The following PAK4 variants were observed in gnomAD, a reference collection of about 807,000 sequenced individuals.
PAK4 encodes serine/threonine-protein kinase PAK 4.
Under a neutral mutation model 53.5 loss-of-function variants are expected in PAK4, and 49 were observed. That is an observed-to-expected ratio of 0.92 (90% CI 0.73 to 1.16). The LOEUF is 1.16. PAK4 is among the 50% of genes most tolerant of loss of function. The pLI, the probability that PAK4 is intolerant of heterozygous loss-of-function variation, is 0.00. For missense variants in PAK4, 824 were observed against 850.7 expected (o/e 0.97, Z 0.39); for synonymous variants, 376 against 375.6 (o/e 1.00, Z -0.01).
At chr19:39,159,089 CA>C (rs760073810) in intron 1 of PAK4, among the ~76,000 whole-genome samples, 4 of 152,154 alleles carry the variant, frequency 2.6e-5, no homozygotes, top group Non-Finnish European at 2.9e-5. Flanking sequence ...TCACTACCCC[CA>C]GTTTGCAGAT....
At chr19:39,149,136 G>A (rs901111271) in intron 1 of PAK4, among the ~76,000 whole-genome samples, 5 of 152,132 alleles carry the variant, frequency 3.3e-5, no homozygotes, top group Admixed American at 6.6e-5. Flanking sequence ...CAGCAATTCC[G>A]CTCCCAACTG....
intron 2 of PAK4, 113 bp from the exon 4 acceptor site, chr19:39,172,805 G>T (rs752635278): frequency 1.7e-5 from 15 of 896,926 alleles, no homozygotes; most frequent in African/African-American, 3.4e-5. Flanking sequence ...TCTTCATTGC[G>T]TCTCTGTCTT....
In PAK4 at chr19:39,157,431, G is replaced by A. The variant is rs116601593; in HGVS notation, c.-22-12101G>A. Among the ~76,000 whole-genome samples the A allele has an allele frequency of 4.8e-3, 738 of 152,202 alleles. 6 individuals carry two copies. The highest frequency in any genetic ancestry group is 0.016 in the African/African-American group (677 of 41,516). On this transcript the variant is annotated intron_variant, in intron 1 of 8. Coordinates refer to ENST00000358301, the Ensembl canonical transcript of PAK4. ...TCTTTGCAGTGTGTATGAAAGGGTCGCAGTCCACGGTCCATCCATGGCTCT... is the reference window on the plus strand; with the variant it reads ...TCTTTGCAGTGTGTATGAAAGGGTCACAGTCCACGGTCCATCCATGGCTCT...
At chr19:39,181,976 C>G (rs2074704459), downstream of PAK4, 1 of 152,262 alleles carries the variant, frequency 6.6e-6, no homozygotes, top group African/African-American at 2.4e-5. Flanking sequence ...AAATAAATCC[C>G]TGTGTGCCAC....
chr19:39,175,125 G>C lies in PAK4; in HGVS notation c.1232+61G>C, dbSNP rs2074576324. On this transcript the variant is annotated intron_variant, in intron 5 of 8. Transcript: ENST00000358301. The surrounding 1 kb of genome is among the most constrained non-coding windows in gnomAD (Gnocchi z 4.7). ...ACCAAGTCCCCTCCAGACCACTAGG[G>C]GTGGGGCCACATCTCCAAACCAGCT... The C allele has an allele frequency of 1.9e-6, 3 of 1,554,440 alleles. No individual in the cohort carries two copies. Among genetic ancestry groups the C allele is most frequent in the Admixed American group, 3.6e-5 (2 of 55,722 alleles).
chr19:39,174,860 G>A, intron 4 of PAK4, 71 bp from the exon 6 acceptor site: 1 of 1,576,504 alleles, frequency 6.3e-7, no homozygotes. Context: ...GAGCCAGGGG[G>A]GTGGCGGTGG....
chr19:39,138,538 T>G (rs2073858629), intron 1 of PAK4, among the ~76,000 whole-genome samples: 1 of 152,178 alleles, frequency 6.6e-6, no homozygotes, highest in Non-Finnish European at 1.5e-5. Flanking sequence ...GCCCACCTCT[T>G]GTGGGGTTTT....
chr19:39,132,909 C>T (rs1287134953), intron 1 of PAK4, among the ~76,000 whole-genome samples: 1 of 152,238 alleles, frequency 6.6e-6, no homozygotes, highest in African/African-American at 2.4e-5. Flanking sequence ...CAAAGTGGGA[C>T]AGCTTTGTGT....
chr19:39,150,152 T>C (rs1033230555), intron 1 of PAK4, among the ~76,000 whole-genome samples: 5 of 96,686 alleles, frequency 5.2e-5, no homozygotes, highest in Admixed American at 5.1e-4. Flanking sequence ...TGTAGATCTG[T>C]TTCTGAGTTC....
intron 1 of PAK4, among the ~76,000 whole-genome samples, chr19:39,154,996 CTGTGTGTG>C (rs1384622333): frequency 6.6e-6 from 1 of 152,228 alleles, no homozygotes; most frequent in Non-Finnish European, 1.5e-5. Flanking sequence ...AGCCCACGTT[CTGTGTGTG>C]GAGATAACAT....
intron 1 of PAK4, among the ~76,000 whole-genome samples, chr19:39,151,918 G>A (rs905520139): frequency 1.3e-5 from 2 of 152,106 alleles, no homozygotes; most frequent in African/African-American, 4.8e-5. Flanking sequence ...ACAGGCATGC[G>A]CCACCACGCG....
chr19:39,157,463 G>T (rs1002615670), intron 1 of PAK4, among the ~76,000 whole-genome samples: 52 of 152,234 alleles, frequency 3.4e-4, no homozygotes, highest in African/African-American at 1.2e-3. Context: ...CTCTTCTGGG[G>T]CCCATGTGCA....
intron 1 of PAK4, among the ~76,000 whole-genome samples, chr19:39,144,831 TGAG>T (rs1374388907): frequency 2.0e-5 from 3 of 152,022 alleles, no homozygotes; most frequent in African/African-American, 7.3e-5. Context: ...GGTAAAGAAA[TGAG>T]GAGAGACTGC....
At chr19:39,169,707 C>A (rs748011995) in exon 2 of PAK4, 3 of 1,611,532 alleles carry the variant, frequency 1.9e-6, no homozygotes, top group Non-Finnish European at 2.5e-6. Context: ...CCGGCCCAAG[C>A]CCCTCGTCGA....
exon 2 of PAK4, chr19:39,169,604 C>T (rs535952525): frequency 2.5e-5 from 40 of 1,610,872 alleles, no homozygotes; most frequent in Middle Eastern, 1.6e-4. Flanking sequence ...CGTCCAACTT[C>T]GAGCACCGCG....
At chr19:39,139,951 A>G (rs987440006) in intron 1 of PAK4, among the ~76,000 whole-genome samples, 1 of 152,126 alleles carries the variant, frequency 6.6e-6, no homozygotes, top group African/African-American at 2.4e-5. Flanking sequence ...GGCTTCTGAC[A>G]TGGAGGGGTT....
At chr19:39,163,121 TAGG>T (rs754924987) in intron 1 of PAK4, among the ~76,000 whole-genome samples, 6 of 151,648 alleles carry the variant, frequency 4.0e-5, no homozygotes, top group Non-Finnish European at 7.4e-5. Context: ...TGCCAGAAGG[TAGG>T]AGGTAAACTG....
chr19:39,135,685 G>A (rs1237318473), intron 1 of PAK4, among the ~76,000 whole-genome samples: 1 of 151,990 alleles, frequency 6.6e-6, no homozygotes, highest in African/African-American at 2.4e-5. Flanking sequence ...CGACTGAAGG[G>A]TGAACCCAAA....
intron 1 of PAK4, among the ~76,000 whole-genome samples, chr19:39,134,458 A>G (rs975964327): frequency 6.7e-6 from 1 of 149,764 alleles, no homozygotes; most frequent in African/African-American, 2.6e-5. Context: ...GAATTACAGA[A>G]TGTCATCTTG....
Sources: allele counts gnomAD v4.1 joint callset (sites outside exome capture counted in the v4.1 genomes callset), GRCh38; gene constraint gnomAD v4.1.1; non-coding constraint Gnocchi (gnomAD v3.1); transcripts MANE v1.5; gene names NCBI Gene and HGNC (gene_info 2026-07-23, HGNC 2026-07-21).